GTF2H3: variants seen among roughly 807,000 people sequenced by gnomAD.
The protein encoded by GTF2H3 is general transcription factor IIH subunit 3, also known as TFIIH basal transcription factor complex p34 subunit.
Under a neutral mutation model 51.1 loss-of-function variants are expected in GTF2H3, and 42 were observed. The ratio of observed to expected loss-of-function variants is 0.82; its 90% CI spans 0.64 to 1.06. The LOEUF (loss-of-function observed/expected upper bound fraction) is 1.06, where lower values mean the gene tolerates loss of function less well. Among genes scored for constraint, GTF2H3 ranks in the 50% least tolerant of loss-of-function variants. The pLI, the probability that GTF2H3 is intolerant of heterozygous loss-of-function variation, is 0.00. For synonymous variants in GTF2H3, 123 were observed against 123.8 expected (o/e 0.99, Z 0.04); for missense variants, 326 against 366.1 (o/e 0.89, Z 0.89).
chr12:123,651,196 G>A (rs959547169), intron 5 of GTF2H3, 140 bp downstream of exon 5: 19 of 583,644 alleles, frequency 3.3e-5, no homozygotes, highest in Non-Finnish European at 5.5e-5. Context: ...TTAAAAAATA[G>A]TTTACATTGG....
chr12:123,649,571 TATC>T (rs1316061029), intron 4 of GTF2H3: 1 of 152,232 alleles, frequency 6.6e-6, no homozygotes, highest in Non-Finnish European at 1.5e-5. Context: ...CCTCCAGAGT[TATC>T]ATCTTAAAAA....
In GTF2H3 at chr12:123,662,322, G is replaced by T. The variant is rs370487808; in HGVS notation, c.*2087G>T. On this transcript the variant is annotated 3_prime_UTR_variant, in exon 13 of 13. Transcript: ENST00000543341. Reference sequence around the variant, plus strand: ...GTGTTTTTGTTAACAAATATACAAAGACTTTGGTGATCACTTTGCAAATAT... The same window carrying T: ...GTGTTTTTGTTAACAAATATACAAATACTTTGGTGATCACTTTGCAAATAT... 1.3e-5 allele frequency: 2 copies of T among 152,092 alleles called. No homozygotes were observed. Among genetic ancestry groups the T allele is most frequent in the African/African-American group, 4.8e-5 (2 of 41,410 alleles). 9.4% of individuals were successfully genotyped at this position (152,092 alleles called of 1,614,324 possible).
chr12:123,660,041 T>C lies in GTF2H3; in HGVS notation c.821-5T>C. The stretch of plus-strand genomic sequence containing the variant: ...CTATTGTTTCTTTTTTTTTTTAATT[T>C]ACAGTATTCTGCAATTTCAGCCCCA... On this transcript the variant is annotated splice_region_variant and splice_polypyrimidine_tract_variant and intron_variant, in intron 11 of 12. Transcript: ENST00000543341. 6.3e-7 allele frequency: 1 copy of C among 1,596,306 alleles called. No homozygotes were observed. The highest frequency in any genetic ancestry group is 8.5e-7 in the Non-Finnish European group (1 of 1,175,546).
In GTF2H3 at chr12:123,654,848, C is replaced by T. The variant is rs552252541; in HGVS notation, c.487-76C>T. Reference sequence around the variant, plus strand: ...AACTGGAATAATGTTGGTTGTGGTTCGCAGTATATTGTGTGACATTGGTGT... The same window carrying T: ...AACTGGAATAATGTTGGTTGTGGTTTGCAGTATATTGTGTGACATTGGTGT... On this transcript the variant is annotated intron_variant, in intron 7 of 12. Transcript: ENST00000543341. 4.2e-5 allele frequency: 39 copies of T among 929,482 alleles called. No homozygotes were observed. The East Asian group carries it at 6.8e-4, about 16-fold the overall frequency. The allele number at this position is 929,482 out of a possible 1,614,324, so 57.6% of individuals were successfully genotyped here.
At chr12:123,659,634 C>G in intron 10 of GTF2H3, 50 bp downstream of exon 10, 1 of 1,570,766 alleles carries the variant, frequency 6.4e-7, no homozygotes, top group South Asian at 1.1e-5. Flanking sequence ...AGGATGACCT[C>G]TGTGTCCTGG....
Position 123,651,342 on chromosome 12 carries a change from C to T in GTF2H3, c.427+286C>T, listed in dbSNP as rs531361902. ...TCTCTTGCTTCAGCCTCCCAAGTAG[C>T]TGGTACAGGCACCCGCCATCACTCC... On this transcript the variant is annotated intron_variant, in intron 5 of 12. Coordinates refer to ENST00000543341, the MANE Select transcript of GTF2H3 (RefSeq NM_001516.5). Among the ~76,000 whole-genome samples the T allele has an allele frequency of 2.4e-4, 37 of 152,224 alleles. 2 individuals are homozygous for T. In the South Asian group the frequency reaches 7.7e-3, roughly 32 times the overall value.
At chr12:123,656,637 G>A (rs1320367923) in intron 9 of GTF2H3, among the ~76,000 whole-genome samples, 1 of 152,120 alleles carries the variant, frequency 6.6e-6, no homozygotes, top group African/African-American at 2.4e-5. Context: ...AGAGCTCTTG[G>A]TTTGTCCTCT....
Position 123,655,827 on chromosome 12 carries a change from A to G in GTF2H3, c.615+3A>G. The G allele has an allele frequency of 6.3e-7, 1 of 1,579,918 alleles. No individual in the cohort carries two copies. Among genetic ancestry groups the G allele is most frequent in the South Asian group, 1.1e-5 (1 of 90,246 alleles). ...CCGACTCAGGGCTCCTCCAACAGGT[A>G]TGTTTTAAAACCATGCTTTGTGTCG... On this transcript the variant is annotated splice_donor_region_variant and intron_variant, in intron 9 of 12. Transcript: ENST00000543341.
At chr12:123,655,071 A>T in intron 8 of GTF2H3, 73 bp downstream of exon 8, 2 of 1,106,012 alleles carry the variant, frequency 1.8e-6, no homozygotes, top group Non-Finnish European at 2.8e-6. Flanking sequence ...TGAATGCTCT[A>T]CTCTGAGGTA....
intron 1 of GTF2H3, among the ~76,000 whole-genome samples, chr12:123,639,058 G>C (rs1230268729): frequency 6.6e-6 from 1 of 152,062 alleles, no homozygotes; most frequent in Non-Finnish European, 1.5e-5. Context: ...GCCTCCCAAA[G>C]TGCTGGGGTT....
intron 1 of GTF2H3, among the ~76,000 whole-genome samples, chr12:123,634,608 A>G (rs6488885): frequency 0.11 from 16,895 of 152,222 alleles, 2,371 homozygotes; most frequent in African/African-American, 0.33. Flanking sequence ...TTGAATGATT[A>G]TGTGAAGTTC....
At chr12:123,634,336 G>A (rs967173041) in intron 1 of GTF2H3, among the ~76,000 whole-genome samples, 1 of 152,184 alleles carries the variant, frequency 6.6e-6, no homozygotes. Context: ...CAGCTACGCG[G>A]GAGGCTGAGG....
In GTF2H3 at chr12:123,646,502, T is replaced by C. The variant is rs11572957; in HGVS notation, c.200+941T>C. Reference sequence around the variant, plus strand: ...GCCTTGCTCTCCTGGGCTCAAGCAGTCCTTTCACCCCAGCCTCCCCAAGTG... The same window carrying C: ...GCCTTGCTCTCCTGGGCTCAAGCAGCCCTTTCACCCCAGCCTCCCCAAGTG... On this transcript the variant is annotated intron_variant, in intron 3 of 12. Coordinates refer to ENST00000543341, the MANE Select transcript of GTF2H3 (RefSeq NM_001516.5). 7.8e-3 allele frequency among the ~76,000 whole-genome samples: 1,188 copies of C among 152,270 alleles called. 16 individuals are homozygous for C. The highest frequency in any genetic ancestry group is 0.027 in the African/African-American group (1,123 of 41,544).
chr12:123,645,329 C>T, intron 2 of GTF2H3, 126 bp from the exon 3 acceptor site: 1 of 618,904 alleles, frequency 1.6e-6, no homozygotes. Flanking sequence ...CTTGGCCTCT[C>T]AGGGTGCTGG....
In GTF2H3 at chr12:123,655,012, C is replaced by G; in HGVS notation, c.561+14C>G. 1 of 1,598,142 alleles carries G rather than the reference C, an allele frequency of 6.3e-7. No homozygotes were observed. Among genetic ancestry groups the G allele is most frequent in the South Asian group, 1.1e-5 (1 of 90,768 alleles). On this transcript the variant is annotated intron_variant, in intron 8 of 12. Transcript: ENST00000543341. ...GCACAGAAACAGGTGAACTGAGAGC[C>G]TGCCGTTTAAAGTATTTGTTTCATA...
chr12:123,648,493 C>T (rs531488738), intron 4 of GTF2H3: 1 of 157,820 alleles, frequency 6.3e-6, no homozygotes, highest in Admixed American at 6.5e-5. Flanking sequence ...TGTTCTCATC[C>T]ACTTTTGCCT....
At position 123,644,746 on chromosome 12, in the gene GTF2H3, A is replaced by T. The variant is rs115096013; in HGVS notation, c.94-709A>T. 9.3e-3 allele frequency among the ~76,000 whole-genome samples: 1,415 copies of T among 152,324 alleles called. 17 individuals carry two copies. Among genetic ancestry groups the T allele is most frequent in the Middle Eastern group, 0.037 (11 of 294 alleles). ...ATATTGTTCACTAAGTATATACCAG[A>T]CGTACAGTAGTGGCTCAGTATAGTT... On this transcript the variant is annotated intron_variant, in intron 2 of 12. Transcript: ENST00000543341.
intron 4 of GTF2H3, chr12:123,649,529 T>G (rs965351755): frequency 6.6e-6 from 1 of 152,266 alleles, no homozygotes; most frequent in African/African-American, 2.4e-5. Context: ...GTTTTCTGAC[T>G]CCTGTCTCCC....
At chr12:123,636,878 T>C (rs1318544519) in intron 1 of GTF2H3, among the ~76,000 whole-genome samples, 1 of 151,870 alleles carries the variant, frequency 6.6e-6, no homozygotes, top group Non-Finnish European at 1.5e-5. Context: ...GATCGCGCCA[T>C]TACACTCCAC....
Sources: gnomAD v4.1 joint callset for allele counts (sites outside exome capture counted in the v4.1 genomes callset) on GRCh38, gnomAD v4.1.1 for gene constraint, MANE v1.5 for transcripts, NCBI Gene and HGNC (gene_info 2026-07-23, HGNC 2026-07-21) for gene names.